The following DNM1 variants were observed in gnomAD, a reference collection of about 807,000 sequenced individuals.
The protein encoded by DNM1 is dynamin 1.
A neutral mutation model predicts 104.6 loss-of-function variants in DNM1; 29 were observed. The ratio of observed to expected loss-of-function variants is 0.28; its 90% CI spans 0.21 to 0.38. The LOEUF (loss-of-function observed/expected upper bound fraction) is 0.38, where lower values mean the gene tolerates loss of function less well. DNM1 is among the 10% of genes least tolerant of loss of function. DNM1 has a pLI of 1.00. For missense variants in DNM1, 640 were observed against 1,189.4 expected (o/e 0.54, Z 6.79); for synonymous variants, 445 against 475.8 (o/e 0.94, Z 0.84).
At chr9:128,232,200 T>C in intron 10 of DNM1, 1 of 384,268 alleles carries the variant, frequency 2.6e-6, no homozygotes, top group Non-Finnish European at 5.3e-6. Flanking sequence ...TCCTCCAAAC[T>C]CTACCCTGGG....
chr9:128,234,416 G>T (rs1254117816), intron 11 of DNM1, among the ~76,000 whole-genome samples: 2 of 152,148 alleles, frequency 1.3e-5, no homozygotes, highest in Non-Finnish European at 2.9e-5. Context: ...AGGCTGGAGT[G>T]CAGTGGTGTG....
At chr9:128,246,792 C>T (rs1588448339) in intron 16 of DNM1, 1 of 458,990 alleles carries the variant, frequency 2.2e-6, no homozygotes, top group East Asian at 4.0e-5. Flanking sequence ...TCCTTCCATT[C>T]TCCCCTTCCC....
intron 1 of DNM1, among the ~76,000 whole-genome samples, chr9:128,209,661 C>G (rs951785942): frequency 2.6e-5 from 4 of 152,214 alleles, no homozygotes; most frequent in African/African-American, 9.7e-5. Context: ...GGTGTCCCCT[C>G]TCCGCAGGCT....
In DNM1 at chr9:128,220,453, C is replaced by A; in HGVS notation, c.849+112C>A. 1 of 1,358,030 alleles carries A rather than the reference C, an allele frequency of 7.4e-7. No homozygotes were observed. Among genetic ancestry groups the A allele is most frequent in the Non-Finnish European group, 1.0e-6 (1 of 1,000,790 alleles). The allele number at this position is 1,358,030 out of a possible 1,614,324, so 84.1% of individuals were successfully genotyped here. On this transcript the variant is annotated intron_variant, in intron 6 of 21. Transcript: ENST00000372923. This position sits in a 1 kb window ranked among gnomAD's most constrained non-coding sequence, Gnocchi z 5.2. ...TTAGCCTCTCCGTAGTGCAGATAGA[C>A]AAACTGAGCCTCAGAAAAGCAAAGC...
rs538213705 is a variant in DNM1 at position 128,220,488 on chromosome 9, A to G, written c.849+147A>G. On this transcript the variant is annotated intron_variant, in intron 6 of 21. Coordinates refer to ENST00000372923, the MANE Select transcript of DNM1 (RefSeq NM_004408.4). This position sits in a 1 kb window ranked among gnomAD's most constrained non-coding sequence, Gnocchi z 5.2. ...CTCAGAAAAGCAAAGCAACTTGCCCACAGCCCCACAGCTAGGTAGCAGCAA... is the reference window on the plus strand; with the variant it reads ...CTCAGAAAAGCAAAGCAACTTGCCCGCAGCCCCACAGCTAGGTAGCAGCAA... The G allele has an allele frequency of 4.8e-5, 48 of 994,214 alleles. No individual in the cohort carries two copies. In the African/African-American group the frequency reaches 7.6e-4, roughly 16 times the overall value. The allele number at this position is 994,214 out of a possible 1,614,324, so 61.6% of individuals were successfully genotyped here. A position where few individuals can be genotyped will look rare whatever the true frequency, so the allele number is the denominator to read the frequency against.
At position 128,243,028 on chromosome 9, in the gene DNM1, C is replaced by G. The variant is rs1028268082; in HGVS notation, c.1671+683C>G. Among the ~76,000 whole-genome samples, 3 of 152,168 alleles carry G rather than the reference C, an allele frequency of 2.0e-5. No individual in the cohort carries two copies. The highest frequency in any genetic ancestry group is 6.5e-5 in the Admixed American group (1 of 15,280). On this transcript the variant is annotated intron_variant, in intron 15 of 21. Transcript: ENST00000372923. This position sits in a 1 kb window ranked among gnomAD's most constrained non-coding sequence, Gnocchi z 4.0. ...CCACAGGCCCATGACACACACAAGT[C>G]TAGCTGCCAGACACCCGGTTAACCC...
In DNM1 at chr9:128,203,618, A is replaced by G; in HGVS notation, c.148A>G (p.Asn50Asp). Reference protein sequence around the residue: ...QSAGKSSVLENFVGRDFLPRG... With the variant: ...QSAGKSSVLEDFVGRDFLPRG... ...CGCCGGCAAGAGCTCGGTGCTCGAG[A>G]ATTTCGTAGGCAGGTAGGCGCGGCG... Residue 50 changes from asparagine (N) to aspartate (D), a missense_variant, in exon 1 of 22, where the codon AAT becomes GAT. This residue lies in a region of DNM1 where 172 missense variants were observed against 335.3 expected (regional missense o/e 0.51). Coordinates refer to ENST00000372923, the MANE Select transcript of DNM1 (RefSeq NM_004408.4). The surrounding 1 kb of genome is among the most constrained non-coding windows in gnomAD (Gnocchi z 5.3). The G allele has an allele frequency of 6.5e-7, 1 of 1,539,462 alleles. No homozygotes were observed. The highest frequency in any genetic ancestry group is 8.7e-7 in the Non-Finnish European group (1 of 1,148,852).
chr9:128,250,392 C>T (rs904206157), intron 20 of DNM1, 36 bp downstream of exon 20: 2 of 1,531,160 alleles, frequency 1.3e-6, no homozygotes, highest in Non-Finnish European at 1.8e-6. Context: ...CAAAGCCCCC[C>T]AGCCCGGGGC....
At chr9:128,214,416 A>C (rs1451966326) in intron 1 of DNM1, among the ~76,000 whole-genome samples, 2 of 152,182 alleles carry the variant, frequency 1.3e-5, no homozygotes, top group Non-Finnish European at 2.9e-5. Context: ...ATCAGAGCCC[A>C]AAAAAGAGGA....
chr9:128,219,915 G>A, intron 4 of DNM1, 73 bp from the exon 5 acceptor site: 1 of 1,215,884 alleles, frequency 8.2e-7, no homozygotes, highest in Non-Finnish European at 1.2e-6. Context: ...GCAGGGGGAT[G>A]GGAGTGGGAG....
intron 1 of DNM1, among the ~76,000 whole-genome samples, chr9:128,210,710 C>T (rs1252950476): frequency 6.6e-6 from 1 of 152,168 alleles, no homozygotes; most frequent in Non-Finnish European, 1.5e-5. Flanking sequence ...TAATGTCACA[C>T]AGCAATTGAA....
Position 128,253,886 on chromosome 9 carries a change from A to G in DNM1, c.2535-768A>G, listed in dbSNP as rs991191792. 32 of 1,227,586 alleles carry G rather than the reference A, an allele frequency of 2.6e-5. No individual in the cohort carries two copies. In the Admixed American group the frequency reaches 1.0e-3, roughly 39 times the overall value. 76.0% of individuals were successfully genotyped at this position (1,227,586 alleles called of 1,614,324 possible). ...TCACGCACCTTGGCCTGTTGCTCCTAGGGTCACTTGTGCCATTCAGCCAAG... is the reference window on the plus strand; with the variant it reads ...TCACGCACCTTGGCCTGTTGCTCCTGGGGTCACTTGTGCCATTCAGCCAAG... On this transcript the variant is annotated intron_variant, in intron 21 of 21. Transcript: ENST00000372923. This position sits in a 1 kb window ranked among gnomAD's most constrained non-coding sequence, Gnocchi z 5.9.
In DNM1 at chr9:128,220,218, T is replaced by C. The variant is rs1834862168; in HGVS notation, c.726T>C (p.Ile242=). ...IGVVNRSQKD[I]DGKKDITAAL... Reference sequence around the variant, plus strand: ...TGGTGAACCGGAGCCAGAAGGACATTGATGGCAAGAAGGACATTACCGCCG... The same window carrying C: ...TGGTGAACCGGAGCCAGAAGGACATCGATGGCAAGAAGGACATTACCGCCG... The change falls in exon 6 of 22, where the codon ATT becomes ATC. Residue 242 remains isoleucine, a synonymous_variant. Transcript: ENST00000372923. This position sits in a 1 kb window ranked among gnomAD's most constrained non-coding sequence, Gnocchi z 5.2. The C allele has an allele frequency of 6.2e-7, 1 of 1,614,170 alleles. No individual in the cohort carries two copies. The highest frequency in any genetic ancestry group is 8.5e-7 in the Non-Finnish European group (1 of 1,180,038).
chr9:128,221,075 TTCTC>T (rs762792290), intron 6 of DNM1: 12 of 150,384 alleles, frequency 8.0e-5, no homozygotes, highest in Non-Finnish European at 1.3e-4. Flanking sequence ...CTTTCTCTCT[TTCTC>T]TCTTTCTCTC....
chr9:128,225,779 A>G (rs945086686), intron 10 of DNM1, among the ~76,000 whole-genome samples: 1 of 152,022 alleles, frequency 6.6e-6, no homozygotes, highest in Non-Finnish European at 1.5e-5. Context: ...ACCTCTGGCC[A>G]TACCTATGGA....
At position 128,240,040 on chromosome 9, in the gene DNM1, C is replaced by T. The variant is rs1167573386; in HGVS notation, c.1557+44C>T. The T allele has an allele frequency of 5.0e-6, 8 of 1,611,974 alleles. No individual in the cohort carries two copies. Among genetic ancestry groups the T allele is most frequent in the South Asian group, 3.3e-5 (3 of 91,036 alleles). On this transcript the variant is annotated intron_variant, in intron 14 of 21. Transcript: ENST00000372923. This position sits in a 1 kb window ranked among gnomAD's most constrained non-coding sequence, Gnocchi z 5.1. ...GCTCTCGGCTTGTGTAGTGAGGGGGCGGAGGGTCCATCGGCAGTGGGGATC... is the reference window on the plus strand; with the variant it reads ...GCTCTCGGCTTGTGTAGTGAGGGGGTGGAGGGTCCATCGGCAGTGGGGATC...
intron 1 of DNM1, among the ~76,000 whole-genome samples, chr9:128,210,936 G>T (rs1330802080): frequency 3.3e-5 from 5 of 151,816 alleles, no homozygotes; most frequent in African/African-American, 1.2e-4. Context: ...ATTTGGAGAA[G>T]TCAGCCCTGG....
Position 128,220,993 on chromosome 9 carries a change from C to CCCTTCCTTCCTTCCTT in DNM1, c.849+661_849+676dup, listed in dbSNP as rs148599259. 3.2e-5 allele frequency: 4 copies of CCCTTCCTTCCTTCCTT among 125,986 alleles called. No homozygotes were observed. Among genetic ancestry groups the CCCTTCCTTCCTTCCTT allele is most frequent in the African/African-American group, 1.3e-4 (4 of 30,198 alleles). 7.8% of individuals were successfully genotyped at this position (125,986 alleles called of 1,614,324 possible). A position where few individuals can be genotyped will look rare whatever the true frequency, so the allele number is the denominator to read the frequency against. Reference sequence around the variant, plus strand: ...TTTCTTTCTCTTTCTTTCTTTCTTTCCCTTCCTTCCTTCCTTCCTTCCTTT... The same window carrying CCCTTCCTTCCTTCCTT: ...TTTCTTTCTCTTTCTTTCTTTCTTTCCCTTCCTTCCTTCCTTCCTTCCTTCCTTCCTTCCTTCCTTT... On this transcript the variant is annotated intron_variant, in intron 6 of 21. Transcript: ENST00000372923. The surrounding 1 kb of genome is among the most constrained non-coding windows in gnomAD (Gnocchi z 5.2).
At position 128,220,731 on chromosome 9, in the gene DNM1, G is replaced by GCGCGCGCGCA. The variant is rs1834897569; in HGVS notation, c.849+399_849+400insACGCGCGCGC. ...AATGGGGCATCCAGAACTGAAGTGC[G>GCGCGCGCGCA]CGCGCGCGCGCGTGTGTGTGTGTGT... is the stretch of plus-strand genomic sequence containing the variant. On this transcript the variant is annotated intron_variant, in intron 6 of 21. Transcript: ENST00000372923. The surrounding 1 kb of genome is among the most constrained non-coding windows in gnomAD (Gnocchi z 5.2). Among the ~76,000 whole-genome samples the GCGCGCGCGCA allele has an allele frequency of 1.2e-5, 1 of 81,942 alleles. No homozygotes were observed. Among genetic ancestry groups the GCGCGCGCGCA allele is most frequent in the Admixed American group, 1.1e-4 (1 of 8,788 alleles). 53.8% of individuals were successfully genotyped at this position (81,942 alleles called of 152,430 possible). A position where few individuals can be genotyped will look rare whatever the true frequency, so the allele number is the denominator to read the frequency against.
Sources: allele counts gnomAD v4.1 joint callset (sites outside exome capture counted in the v4.1 genomes callset), GRCh38; gene constraint gnomAD v4.1.1; regional missense constraint gnomAD v4.1.1; non-coding constraint Gnocchi (gnomAD v3.1); transcripts MANE v1.5; gene names NCBI Gene and HGNC (gene_info 2026-07-23, HGNC 2026-07-21).